Variants in TBC1D14 observed in about 807,000 individuals in gnomAD.
TBC1D14 encodes the protein TBC1 domain family, member 14.
Under a neutral mutation model 79.0 loss-of-function variants are expected in TBC1D14, and 26 were observed. That is an observed-to-expected ratio of 0.33 (90% confidence interval 0.24 to 0.46). The LOEUF (loss-of-function observed/expected upper bound fraction) is 0.46, where lower values mean the gene tolerates loss of function less well. Ranked by LOEUF, TBC1D14 falls within the 20% of genes least tolerant of loss-of-function variation. The pLI is 1.00. For synonymous variants in TBC1D14, 394 were observed against 349.9 expected (o/e 1.13, Z -1.40); for missense variants, 769 against 887.6 (o/e 0.87, Z 1.70).
rs577761001 is a variant in TBC1D14 at position 7,030,944 on chromosome 4, T to G, written c.*552T>G. On this transcript the variant is annotated 3_prime_UTR_variant, in exon 14 of 14. Transcript: ENST00000409757. ...TCTGAGGATGGCCACTGATGTGTGT[T>G]TGTGGATACCTGGGCATCGACCCAG... The G allele has an allele frequency of 3.9e-5, 6 of 154,332 alleles. No homozygotes were observed. The South Asian group carries it at 1.2e-3, about 31-fold the overall frequency. The allele number at this position is 154,332 out of a possible 1,614,324, so 9.6% of individuals were successfully genotyped here.
rs1191286338 is a variant in TBC1D14 at position 6,909,965 on chromosome 4, C to CCCGCGAGGGCCGGGCCGCGGG, written c.-18+24_-18+44dup. On this transcript the variant is annotated intron_variant, in intron 1 of 13. Transcript: ENST00000409757. Reference sequence around the variant, plus strand: ...GCGCTAACTCCGGTACTGAGAGCCTCCCGCGAGGGCCGGGCCGCGGGCCGC... The same window carrying CCCGCGAGGGCCGGGCCGCGGG: ...GCGCTAACTCCGGTACTGAGAGCCTCCCGCGAGGGCCGGGCCGCGGGCCGCGAGGGCCGGGCCGCGGGCCGC... 2 of 147,676 alleles carry CCCGCGAGGGCCGGGCCGCGGG rather than the reference C, an allele frequency of 1.4e-5. No homozygotes were observed. Among genetic ancestry groups the CCCGCGAGGGCCGGGCCGCGGG allele is most frequent in the Non-Finnish European group, 3.0e-5 (2 of 66,248 alleles). 9.1% of individuals were successfully genotyped at this position (147,676 alleles called of 1,614,324 possible).
intron 9 of TBC1D14, among the ~76,000 whole-genome samples, 200 bp downstream of exon 9, chr4:7,006,926 C>T (rs1328290451): frequency 6.6e-6 from 1 of 152,130 alleles, no homozygotes; most frequent in Non-Finnish European, 1.5e-5. Flanking sequence ...TTTACTATGT[C>T]CATACTTGTG....
intron 2 of TBC1D14, among the ~76,000 whole-genome samples, chr4:6,927,257 C>T (rs887158705): frequency 1.1e-4 from 17 of 151,652 alleles, no homozygotes; most frequent in Admixed American, 9.2e-4. Flanking sequence ...AGGCATTTCA[C>T]GGGCTATGGG....
At chr4:6,987,319 G>A in intron 3 of TBC1D14, 1 of 1,403,498 alleles carries the variant, frequency 7.1e-7, no homozygotes, top group South Asian at 1.5e-5. Context: ...GGAGCCTCCG[G>A]CCGCGCGCCT....
At chr4:7,021,601 AAAAG>A (rs1721841849) in intron 12 of TBC1D14, among the ~76,000 whole-genome samples, 1 of 152,242 alleles carries the variant, frequency 6.6e-6, no homozygotes, top group African/African-American at 2.4e-5. Flanking sequence ...TGTCTTAACA[AAAAG>A]AAAAGAGAAG....
intron 12 of TBC1D14, among the ~76,000 whole-genome samples, chr4:7,021,454 C>A (rs541743206): frequency 2.0e-5 from 3 of 151,922 alleles, no homozygotes; most frequent in East Asian, 3.9e-4. Flanking sequence ...AAAAATTAGC[C>A]GGTGTGGTGG....
chr4:6,917,505 G>C (rs1723497352), intron 1 of TBC1D14, among the ~76,000 whole-genome samples: 1 of 152,120 alleles, frequency 6.6e-6, no homozygotes, highest in Admixed American at 6.5e-5. Flanking sequence ...GTCTCCTTGT[G>C]CCACACCCTA....
At chr4:7,029,782 G>T (rs754546289) in intron 13 of TBC1D14, among the ~76,000 whole-genome samples, 7 of 152,132 alleles carry the variant, frequency 4.6e-5, no homozygotes, top group Non-Finnish European at 7.3e-5. Context: ...CCGAGATGGC[G>T]CCACTCCACT....
At chr4:7,022,868 G>C (rs1236022003) in intron 12 of TBC1D14, among the ~76,000 whole-genome samples, 5 of 151,110 alleles carry the variant, frequency 3.3e-5, no homozygotes, top group Non-Finnish European at 7.4e-5. Flanking sequence ...CTTTGGGCTT[G>C]GGGGGGTACA....
chr4:6,961,737 C>G (rs1163402756), intron 2 of TBC1D14, among the ~76,000 whole-genome samples: 1 of 152,004 alleles, frequency 6.6e-6, no homozygotes, highest in Non-Finnish European at 1.5e-5. Flanking sequence ...GGGTCTGGGG[C>G]TTGGTGTGGA....
chr4:7,001,319 C>G (rs1719654504), intron 7 of TBC1D14, 68 bp downstream of exon 7: 3 of 1,352,680 alleles, frequency 2.2e-6, no homozygotes, highest in Non-Finnish European at 2.1e-6. Flanking sequence ...CCCTTTTGCC[C>G]TGTTGGAAAG....
At chr4:7,021,488 T>C (rs986813708) in intron 12 of TBC1D14, among the ~76,000 whole-genome samples, 1 of 152,088 alleles carries the variant, frequency 6.6e-6, no homozygotes, top group Non-Finnish European at 1.5e-5. Flanking sequence ...TCTCAGCTAC[T>C]CAGGAGGCTG....
chr4:6,954,085 C>T (rs1329714141), intron 2 of TBC1D14: 3 of 581,174 alleles, frequency 5.2e-6, no homozygotes, highest in African/African-American at 3.8e-5. Context: ...GCTCACTCCT[C>T]CCTCCCTGTG....
intron 3 of TBC1D14, among the ~76,000 whole-genome samples, chr4:6,983,609 ATCCCCATTTG>A (rs1717572576): frequency 6.6e-6 from 1 of 152,154 alleles, no homozygotes. Context: ...AAAATGTCTA[ATCCCCATTTG>A]TCCCCATTAA....
chr4:6,936,083 C>G (rs1560259152), intron 2 of TBC1D14, among the ~76,000 whole-genome samples: 1 of 152,212 alleles, frequency 6.6e-6, no homozygotes, highest in Non-Finnish European at 1.5e-5. Context: ...TGTGCACAGC[C>G]TCCCCTCTCA....
At position 7,025,095 on chromosome 4, in the gene TBC1D14, C is replaced by A; in HGVS notation, c.1849C>A (p.Arg617Ser). The A allele has an allele frequency of 6.2e-7, 1 of 1,614,210 alleles. No individual in the cohort carries two copies. The highest frequency in any genetic ancestry group is 8.5e-7 in the Non-Finnish European group (1 of 1,180,040). Residue 617 changes from arginine (R) to serine (S), a missense_variant, in exon 13 of 14, where the codon CGC (arginine) becomes AGC (serine). By Grantham distance (110) the Arg-to-Ser change is moderately radical. This residue lies in a region of TBC1D14 where 367 missense variants were observed against 494.4 expected (regional missense o/e 0.74). Coordinates refer to ENST00000409757, the MANE Select transcript of TBC1D14 (RefSeq NM_020773.3). ...FCRDGEEFLF[R>S]TALGILKLFE... ...TCGCGATGGGGAAGAGTTCCTGTTC[C>A]GCACGGCCCTGGGCATCCTGAAGCT...
At chr4:6,916,939 G>T (rs776510894) in intron 1 of TBC1D14, among the ~76,000 whole-genome samples, 2 of 152,190 alleles carry the variant, frequency 1.3e-5, no homozygotes, top group African/African-American at 2.4e-5. Context: ...TCACTAGGAC[G>T]TTAGTGATTG....
chr4:6,981,624 C>T (rs1717382351), intron 3 of TBC1D14, among the ~76,000 whole-genome samples: 1 of 152,196 alleles, frequency 6.6e-6, no homozygotes, highest in African/African-American at 2.4e-5. Flanking sequence ...AAAAAATTCT[C>T]AACACAGTAT....
At chr4:6,932,088 G>C (rs1388932111) in intron 2 of TBC1D14, among the ~76,000 whole-genome samples, 1 of 152,120 alleles carries the variant, frequency 6.6e-6, no homozygotes, top group Non-Finnish European at 1.5e-5. Flanking sequence ...TGGCCAGGCG[G>C]GTGGCTCACG....
Sources: gnomAD v4.1 joint callset for allele counts (sites outside exome capture counted in the v4.1 genomes callset) on GRCh38, gnomAD v4.1.1 for gene constraint, gnomAD v4.1.1 regional missense constraint, MANE v1.5 for transcripts, NCBI Gene and HGNC (gene_info 2026-07-23, HGNC 2026-07-21) for gene names.